The following TLE2 variants were observed in gnomAD, a reference collection of about 807,000 sequenced individuals.
TLE2 encodes the protein transducin-like enhancer protein 2.
A neutral mutation model predicts 97.2 loss-of-function variants in TLE2; 74 were observed. The observed-to-expected ratio is 0.76, with a 90% CI of 0.63 to 0.92. TLE2 has a LOEUF of 0.92. Ranked by LOEUF, TLE2 falls within the 40% of genes least tolerant of loss-of-function variation. The probability of loss-of-function intolerance (pLI) is 0.00; values close to 1 mark genes in which losing one functional copy is unlikely to be tolerated. For missense variants in TLE2, 1,038 were observed against 1,008.7 expected (o/e 1.03, Z -0.39); for synonymous variants, 499 against 432.1 (o/e 1.15, Z -1.92).
intron 3 of TLE2, 61 bp from the exon 4 acceptor site, chr19:3,027,934 G>A (rs993504092): frequency 2.0e-6 from 3 of 1,510,430 alleles, no homozygotes; most frequent in Non-Finnish European, 2.7e-6. Flanking sequence ...CCTCCAGATA[G>A]GTGATGCCAG....
chr19:3,000,359 G>A (rs1384882453), intron 19 of TLE2, among the ~76,000 whole-genome samples: 1 of 152,028 alleles, frequency 6.6e-6, no homozygotes, highest in African/African-American at 2.4e-5. Flanking sequence ...ACAGGCATGA[G>A]CGACCGTGCC....
Position 3,006,158 on chromosome 19 carries a change from A to G in TLE2, c.1501-190T>C, listed in dbSNP as rs139873710. On this transcript the variant is annotated intron_variant, in intron 15 of 19. Coordinates refer to ENST00000262953, the MANE Select transcript of TLE2 (RefSeq NM_003260.5). ...ACTGCCCCATCTGACTATAAGCTCCATCCTTTACCTATAAGCCCCACCCAT... is the reference window on the plus strand; with the variant it reads ...ACTGCCCCATCTGACTATAAGCTCCGTCCTTTACCTATAAGCCCCACCCAT... The G allele has an allele frequency of 8.4e-4, 792 of 940,206 alleles. 1 individual carries two copies. The highest frequency in any genetic ancestry group is 2.7e-3 in the Middle Eastern group (13 of 4,796). The allele number at this position is 940,206 out of a possible 1,614,324, so 58.2% of individuals were successfully genotyped here. A position where few individuals can be genotyped will look rare whatever the true frequency, so the allele number is the denominator to read the frequency against.
chr19:3,031,342 TTGTGTGTG>T (rs60898410), upstream of TLE2, among the ~76,000 whole-genome samples: 1,969 of 139,956 alleles, frequency 0.014, 26 homozygotes, highest in Non-Finnish European at 0.018. Flanking sequence ...AAAGATACAA[TTGTGTGTG>T]TGTGTGTGTG....
intron 1 of TLE2, among the ~76,000 whole-genome samples, chr19:3,042,581 CAGAGATGGCAG>C (rs2090112985): frequency 6.6e-6 from 1 of 151,064 alleles, no homozygotes; most frequent in Admixed American, 6.6e-5. Context: ...GGGAGAAGCC[CAGAGATGGCAG>C]AAAGAGGGAG....
chr19:3,038,832 G>A (rs1417179706), intron 1 of TLE2, among the ~76,000 whole-genome samples: 1 of 152,150 alleles, frequency 6.6e-6, no homozygotes, highest in Non-Finnish European at 1.5e-5. Context: ...ATCACCTGAG[G>A]TCGGGAGTTC....
In TLE2 at chr19:3,029,248, G is replaced by T; in HGVS notation, c.-344C>A. On this transcript the variant is annotated 5_prime_UTR_variant, in exon 1 of 20. Coordinates refer to ENST00000262953, the MANE Select transcript of TLE2 (RefSeq NM_003260.5). ...GGCGGCGGCGCGGGCGGCGGGCCCCGCGCGGAGCCGCCTCCCTCCGGCGGG... is the reference window on the plus strand; with the variant it reads ...GGCGGCGGCGCGGGCGGCGGGCCCCTCGCGGAGCCGCCTCCCTCCGGCGGG... The T allele has an allele frequency of 4.1e-6, 1 of 244,242 alleles. No homozygotes were observed. Among genetic ancestry groups the T allele is most frequent in the Non-Finnish European group, 6.3e-6 (1 of 157,550 alleles). 15.1% of individuals were successfully genotyped at this position (244,242 alleles called of 1,614,324 possible). A position where few individuals can be genotyped will look rare whatever the true frequency, so the allele number is the denominator to read the frequency against.
upstream of TLE2, chr19:3,029,561 G>C (rs932517918): frequency 3.7e-5 from 30 of 812,948 alleles, 1 homozygote; most frequent in Middle Eastern, 6.2e-4. Context: ...GTGGGAGCGG[G>C]GGGGGGGGCT....
chr19:3,011,749 C>A (rs10410014), intron 11 of TLE2, among the ~76,000 whole-genome samples: 2,110 of 151,938 alleles, frequency 0.014, 46 homozygotes, highest in African/African-American at 0.049. Context: ...ACTTGGGAGG[C>A]TAAGGCAGGA....
rs1376807917 is a variant in TLE2, at chr19:3,017,858, C to A, written c.552G>T (p.Val184=). 6.2e-7 allele frequency: 1 copy of A among 1,612,336 alleles called. No individual in the cohort carries two copies. Among genetic ancestry groups the A allele is most frequent in the Non-Finnish European group, 8.5e-7 (1 of 1,179,252 alleles). The change falls in exon 8 of 20, where the codon GTG becomes GTT. Residue 184 remains valine (V), a splice_region_variant and synonymous_variant. Transcript: ENST00000262953. The stretch of plus-strand genomic sequence containing the variant: ...CACTTACCCTGCTCGGGGCTCTCTC[C>A]ACTGACAGATTGGGAATGGGATAAA... The part of the protein sequence containing the change: ...RAGVEAEGSR[V]ERAPSRSASP...
At chr19:3,021,114 A>AAAGGG (rs752326503) in intron 5 of TLE2, among the ~76,000 whole-genome samples, 6 of 45,442 alleles carry the variant, frequency 1.3e-4, no homozygotes, top group Non-Finnish European at 2.4e-4. Flanking sequence ...AAAAAAAAAA[A>AAAGGG]GGGGGGGGGG....
rs111487699 is a variant in TLE2, at chr19:3,011,319, G to C, written c.874-159C>G. On this transcript the variant is annotated intron_variant, in intron 11 of 19. Coordinates refer to ENST00000262953, the MANE Select transcript of TLE2 (RefSeq NM_003260.5). ...CAGTCGGGCGGATCACCTGAGGTCA[G>C]GAGTTCGAGACCAGCCTGGCCAACA... 6.8e-3 allele frequency among the ~76,000 whole-genome samples: 1,038 copies of C among 152,186 alleles called. 9 individuals carry two copies. The highest frequency in any genetic ancestry group is 0.024 in the African/African-American group (980 of 41,512).
intron 5 of TLE2, among the ~76,000 whole-genome samples, chr19:3,023,184 AG>A (rs2089880402): frequency 6.6e-6 from 1 of 151,792 alleles, no homozygotes; most frequent in African/African-American, 2.4e-5. Context: ...CCTCCCGAGT[AG>A]CTGGGACTAG....
chr19:3,008,843 G>T (rs772405182), intron 14 of TLE2, 26 bp downstream of exon 14: 3 of 1,520,174 alleles, frequency 2.0e-6, no homozygotes, highest in Non-Finnish European at 2.7e-6. Context: ...GGGACCCCAG[G>T]CAGGGAGCCC....
intron 1 of TLE2, among the ~76,000 whole-genome samples, chr19:3,041,913 C>G (rs539840082): frequency 2.8e-5 from 3 of 106,042 alleles, no homozygotes; most frequent in African/African-American, 1.3e-4. Flanking sequence ...AGCTCTGTGG[C>G]TGCCTTTGCG....
At chr19:3,037,446 C>T (rs1056752336) in intron 1 of TLE2, among the ~76,000 whole-genome samples, 38 of 152,244 alleles carry the variant, frequency 2.5e-4, no homozygotes, top group African/African-American at 2.4e-5. Flanking sequence ...TAAGCCCTTT[C>T]CTGTGACAGA....
upstream of TLE2, among the ~76,000 whole-genome samples, chr19:3,031,342 TTGTGTGTGTG>T (rs60898410): frequency 3.4e-3 from 474 of 140,000 alleles, 3 homozygotes; most frequent in African/African-American, 9.6e-3. Context: ...AAAGATACAA[TTGTGTGTGTG>T]TGTGTGTGTG....
At chr19:3,006,037 C>G (rs1422771763) in intron 15 of TLE2, 69 bp from the exon 16 acceptor site, 23 of 1,566,458 alleles carry the variant, frequency 1.5e-5, no homozygotes, top group African/African-American at 2.7e-5. Flanking sequence ...CCTAGCTCAA[C>G]GTGGGGGTCT....
At chr19:3,012,111 T>C (rs1221134821) in intron 11 of TLE2, among the ~76,000 whole-genome samples, 1 of 151,844 alleles carries the variant, frequency 6.6e-6, no homozygotes, top group Non-Finnish European at 1.5e-5. Context: ...CCAGGCGTGG[T>C]GGCACGTGCC....
chr19:3,006,509 G>A lies in TLE2; in HGVS notation c.1411C>T (p.His471Tyr). The change falls in exon 15 of 20, where the codon CAT becomes TAT. Residue 471 changes from histidine to tyrosine, a missense_variant. Physicochemically the swap from His to Tyr is moderately conservative, Grantham distance 83. Coordinates refer to ENST00000262953, the MANE Select transcript of TLE2 (RefSeq NM_003260.5). ...CAGCCCTTGCCGCCCGTGTACACAT[G>A]CTGTGTGGAGCCGCTGATGGTGACC... ...CAVTISGSTQ[H>Y]VYTGGKGCVK... The A allele has an allele frequency of 1.9e-6, 3 of 1,608,678 alleles. No homozygotes were observed. The highest frequency in any genetic ancestry group is 2.5e-6 in the Non-Finnish European group (3 of 1,178,476).
Sources: allele counts gnomAD v4.1 joint callset (sites outside exome capture counted in the v4.1 genomes callset), GRCh38; gene constraint gnomAD v4.1.1; transcripts MANE v1.5; gene names NCBI Gene and HGNC (gene_info 2026-07-23, HGNC 2026-07-21).